ST3GAL4: variants seen among roughly 807,000 people sequenced by gnomAD.
ST3GAL4 encodes ST3 beta-galactoside alpha-2,3-sialyltransferase 4.
In ST3GAL4, 24 loss-of-function variants were observed where a neutral mutation model predicts 42.6. That is an observed-to-expected ratio of 0.56 (90% CI 0.41 to 0.79). The LOEUF (loss-of-function observed/expected upper bound fraction) is 0.79, where lower values mean the gene tolerates loss of function less well. Ranked by LOEUF, ST3GAL4 falls within the 30% of genes least tolerant of loss-of-function variation. The pLI, the probability that ST3GAL4 is intolerant of heterozygous loss-of-function variation, is 0.00. For synonymous variants in ST3GAL4, 135 were observed against 163.2 expected, an observed-to-expected ratio of 0.83 and a Z score of 1.32; for missense variants, 311 against 430.8, an observed-to-expected ratio of 0.72 and a Z score of 2.46.
At chr11:126,408,812 C>T in intron 8 of ST3GAL4, 1 of 450,602 alleles carries the variant, frequency 2.2e-6, no homozygotes, top group Non-Finnish European at 4.0e-6. Context: ...GCTGAGCAAC[C>T]CTCCAGCAGC....
chr11:126,367,752 T>C (rs1289521041), intron 1 of ST3GAL4, among the ~76,000 whole-genome samples: 2 of 152,184 alleles, frequency 1.3e-5, no homozygotes, highest in African/African-American at 2.4e-5. Context: ...AGCTCTCTGA[T>C]CTTGGGACCC....
At chr11:126,403,465 G>C (rs1954096769) in intron 1 of ST3GAL4, 1 of 984,784 alleles carries the variant, frequency 1.0e-6, no homozygotes, top group South Asian at 4.7e-5. Flanking sequence ...CGCCCAGGCT[G>C]CATTTTAGAA....
Position 126,391,272 on chromosome 11 carries a change from T to TC in ST3GAL4, c.-60-14823dup, listed in dbSNP as rs1330348738. On this transcript the variant is annotated intron_variant, in intron 1 of 10. Transcript: ENST00000444328. The surrounding 1 kb of genome is among the most constrained non-coding windows in gnomAD (Gnocchi z 5.5). The stretch of plus-strand genomic sequence containing the variant: ...CCTTTGCTTCCTTGTTTTTTTTTTT[T>TC]CTTTTTGTTTTATGGGAGTGCTGAT... Among the ~76,000 whole-genome samples the TC allele has an allele frequency of 2.0e-5, 3 of 152,040 alleles. No homozygotes were observed. Among genetic ancestry groups the TC allele is most frequent in the East Asian group, 1.9e-4 (1 of 5,142 alleles).
intron 9 of ST3GAL4, chr11:126,413,299 A>T: frequency 3.8e-6 from 2 of 523,880 alleles, no homozygotes; most frequent in Non-Finnish European, 6.5e-6. Flanking sequence ...TTTACAATTT[A>T]ATTAATTAAA....
At chr11:126,361,581 C>G (rs1952244482) in intron 1 of ST3GAL4, among the ~76,000 whole-genome samples, 1 of 152,050 alleles carries the variant, frequency 6.6e-6, no homozygotes, top group African/African-American at 2.4e-5. Context: ...CCGTGGCCAC[C>G]CAGCACCGGC....
At position 126,386,795 on chromosome 11, in the gene ST3GAL4, C is replaced by T. The variant is rs896029295; in HGVS notation, c.-60-19301C>T. On this transcript the variant is annotated intron_variant, in intron 1 of 10. Coordinates refer to ENST00000444328, the MANE Select transcript of ST3GAL4 (RefSeq NM_001254757.2). This position sits in a 1 kb window ranked among gnomAD's most constrained non-coding sequence, Gnocchi z 4.7. ...TGTGCACATCCAGATCTTTGCACTG[C>T]GCTGTTTTGACTTGGAGAGGAGAGG... Among the ~76,000 whole-genome samples the T allele has an allele frequency of 5.3e-5, 8 of 152,180 alleles. No homozygotes were observed. In the East Asian group the frequency reaches 5.8e-4, roughly 11 times the overall value.
In ST3GAL4 at chr11:126,386,410, C is replaced by T. The variant is rs1953228843; in HGVS notation, c.-60-19686C>T. Reference sequence around the variant, plus strand: ...CCTTGTGGCTCCTGTTTCTGCTGACCTGTCCAGCCTCACAGTCTGGGGAGG... The same window carrying T: ...CCTTGTGGCTCCTGTTTCTGCTGACTTGTCCAGCCTCACAGTCTGGGGAGG... On this transcript the variant is annotated intron_variant, in intron 1 of 10. Coordinates refer to ENST00000444328, the MANE Select transcript of ST3GAL4 (RefSeq NM_001254757.2). The surrounding 1 kb of genome is among the most constrained non-coding windows in gnomAD (Gnocchi z 4.7). 6.6e-6 allele frequency among the ~76,000 whole-genome samples: 1 copy of T among 152,094 alleles called. No homozygotes were observed. The highest frequency in any genetic ancestry group is 6.5e-5 in the Admixed American group (1 of 15,274).
rs1232960493 is a variant in ST3GAL4, at chr11:126,366,403, C to T, written c.-61+10561C>T. ...ACTGAGAGCTGGGTGTGTGTGTGCG[C>T]ATGCCTGTGTCTGTGTGATCTGGTT... On this transcript the variant is annotated intron_variant, in intron 1 of 10. Coordinates refer to ENST00000444328, the MANE Select transcript of ST3GAL4 (RefSeq NM_001254757.2). This position sits in a 1 kb window ranked among gnomAD's most constrained non-coding sequence, Gnocchi z 4.2. 6.6e-6 allele frequency among the ~76,000 whole-genome samples: 1 copy of T among 151,994 alleles called. No homozygotes were observed. Among genetic ancestry groups the T allele is most frequent in the Non-Finnish European group, 1.5e-5 (1 of 68,022 alleles).
At chr11:126,358,536 T>C (rs991180117) in intron 1 of ST3GAL4, 1 of 449,626 alleles carries the variant, frequency 2.2e-6, no homozygotes. Context: ...TCCTTTATTC[T>C]ACAGACTGAG....
Position 126,363,845 on chromosome 11 carries a change from G to A in ST3GAL4, c.-61+8003G>A, listed in dbSNP as rs954936604. 2.0e-5 allele frequency among the ~76,000 whole-genome samples: 3 copies of A among 152,206 alleles called. No individual in the cohort carries two copies. Among genetic ancestry groups the A allele is most frequent in the Non-Finnish European group, 2.9e-5 (2 of 68,042 alleles). Reference sequence around the variant, plus strand: ...TGAGGTGAGCACACAACAGTGTTCTGTGTGAGGGTCTGGATACACTCCCCA... The same window carrying A: ...TGAGGTGAGCACACAACAGTGTTCTATGTGAGGGTCTGGATACACTCCCCA... On this transcript the variant is annotated intron_variant, in intron 1 of 10. Coordinates refer to ENST00000444328, the MANE Select transcript of ST3GAL4 (RefSeq NM_001254757.2). The surrounding 1 kb of genome is among the most constrained non-coding windows in gnomAD (Gnocchi z 4.6).
rs1953244016 is a variant in ST3GAL4, at chr11:126,386,845, G to GT, written c.-60-19249dup. Among the ~76,000 whole-genome samples, 2 of 152,184 alleles carry GT rather than the reference G, an allele frequency of 1.3e-5. No homozygotes were observed. Among genetic ancestry groups the GT allele is most frequent in the South Asian group, 4.1e-4 (2 of 4,824 alleles). ...GAGGAAGTTAGCTGCTCTGAATGGTGTTGCTGCTAATCTCTACAGCACTTT... is the reference window on the plus strand; with the variant it reads ...GAGGAAGTTAGCTGCTCTGAATGGTGTTTGCTGCTAATCTCTACAGCACTTT... On this transcript the variant is annotated intron_variant, in intron 1 of 10. Transcript: ENST00000444328. The surrounding 1 kb of genome is among the most constrained non-coding windows in gnomAD (Gnocchi z 4.7).
chr11:126,371,634 A>G (rs1565397733), intron 1 of ST3GAL4, among the ~76,000 whole-genome samples: 1 of 152,240 alleles, frequency 6.6e-6, no homozygotes, highest in African/African-American at 2.4e-5. Flanking sequence ...ACATGGCTAT[A>G]TAATATTCAG....
At position 126,358,261 on chromosome 11, in the gene ST3GAL4, C is replaced by T. The variant is rs1387729198; in HGVS notation, c.-61+2419C>T. On this transcript the variant is annotated intron_variant, in intron 1 of 10. Coordinates refer to ENST00000444328, the MANE Select transcript of ST3GAL4 (RefSeq NM_001254757.2). ...AGGCCCCTGCTGGTGGTTTAGCTCC[C>T]GCTCCGTGTTTCCCTCACGCTGGGA... Among the ~76,000 whole-genome samples the T allele has an allele frequency of 5.3e-5, 8 of 152,238 alleles. No homozygotes were observed. In the South Asian group the frequency reaches 6.2e-4, roughly 12 times the overall value.
At chr11:126,364,356 G>A (rs1051955984) in intron 1 of ST3GAL4, among the ~76,000 whole-genome samples, 2 of 147,914 alleles carry the variant, frequency 1.4e-5, no homozygotes, top group Non-Finnish European at 3.0e-5. Context: ...CAGAGAGGAG[G>A]AGAGGGTGGG....
At position 126,411,685 on chromosome 11, in the gene ST3GAL4, G is replaced by T. The variant is rs971933568; in HGVS notation, c.772-1820G>T. ...TCGGTTCCTGCGATTGTAGAACTGAGGTCCCCATTTCCTTGCTGGCTGTCA... is the reference window on the plus strand; with the variant it reads ...TCGGTTCCTGCGATTGTAGAACTGATGTCCCCATTTCCTTGCTGGCTGTCA... On this transcript the variant is annotated intron_variant, in intron 9 of 10. Transcript: ENST00000444328. This position sits in a 1 kb window ranked among gnomAD's most constrained non-coding sequence, Gnocchi z 6.3. Among the ~76,000 whole-genome samples, 2 of 152,170 alleles carry T rather than the reference G, an allele frequency of 1.3e-5. No individual in the cohort carries two copies. Among genetic ancestry groups the T allele is most frequent in the African/African-American group, 2.4e-5 (1 of 41,436 alleles).
At chr11:126,380,048 G>A (rs1952940302) in intron 1 of ST3GAL4, among the ~76,000 whole-genome samples, 1 of 151,892 alleles carries the variant, frequency 6.6e-6, no homozygotes. Flanking sequence ...GATCACCTGA[G>A]GTCAGGAGTT....
intron 1 of ST3GAL4, among the ~76,000 whole-genome samples, chr11:126,369,585 AAACCT>A (rs1208771142): frequency 6.6e-6 from 1 of 152,150 alleles, no homozygotes; most frequent in Non-Finnish European, 1.5e-5. Context: ...ACCCAGTGGA[AAACCT>A]GAGACCCGGA....
At chr11:126,356,865 C>A (rs1952086872) in intron 1 of ST3GAL4, among the ~76,000 whole-genome samples, 1 of 152,238 alleles carries the variant, frequency 6.6e-6, no homozygotes, top group African/African-American at 2.4e-5. Flanking sequence ...ACAAGAGACA[C>A]ACACCCGTGT....
At chr11:126,413,841 C>A in intron 10 of ST3GAL4, 120 bp from the exon 11 acceptor site, 1 of 1,415,036 alleles carries the variant, frequency 7.1e-7, no homozygotes, top group Non-Finnish European at 9.7e-7. Flanking sequence ...CTTCCAAGAG[C>A]CAGCCTGGGG....
Sources: allele counts gnomAD v4.1 joint callset (sites outside exome capture counted in the v4.1 genomes callset), GRCh38; gene constraint gnomAD v4.1.1; non-coding constraint Gnocchi (gnomAD v3.1); transcripts MANE v1.5; gene names NCBI Gene and HGNC (gene_info 2026-07-23, HGNC 2026-07-21).